LTBP1: variants seen among roughly 807,000 people sequenced by gnomAD.
The protein encoded by LTBP1 is latent-transforming growth factor beta-binding protein 1.
Under a neutral mutation model 207.6 loss-of-function variants are expected in LTBP1, and 129 were observed. That is an observed-to-expected ratio of 0.62 (90% CI 0.54 to 0.72). The LOEUF is 0.72. Among genes scored for constraint, LTBP1 ranks in the 30% least tolerant of loss-of-function variants. The pLI is 0.00. For missense variants in LTBP1, 2,281 were observed against 2,217.2 expected, an observed-to-expected ratio of 1.03 and a Z score of -0.58; for synonymous variants, 963 against 833.7, an observed-to-expected ratio of 1.16 and a Z score of -2.67.
chr2:33,272,088 A>G (rs1446618848), intron 15 of LTBP1, among the ~76,000 whole-genome samples: 1 of 152,234 alleles, frequency 6.6e-6, no homozygotes, highest in African/African-American at 2.4e-5. Flanking sequence ...TGAAGTTCAT[A>G]TGCTTCCTTT....
chr2:33,049,998 C>T lies in LTBP1; in HGVS notation c.863+28792C>T, dbSNP rs186908888. Among the ~76,000 whole-genome samples the T allele has an allele frequency of 3.9e-5, 6 of 152,064 alleles. No homozygotes were observed. In the South Asian group the frequency reaches 6.2e-4, roughly 16 times the overall value. ...CTGGAACTATAGGTGTGGGCCACTGCGCCCAGCCAATTTTTACAAATTTTG... is the reference window on the plus strand; with the variant it reads ...CTGGAACTATAGGTGTGGGCCACTGTGCCCAGCCAATTTTTACAAATTTTG... On this transcript the variant is annotated intron_variant, in intron 3 of 33. Coordinates refer to ENST00000404816, the MANE Select transcript of LTBP1 (RefSeq NM_206943.4).
chr2:33,184,507 G>C (rs1216216314), intron 5 of LTBP1, among the ~76,000 whole-genome samples: 1 of 152,100 alleles, frequency 6.6e-6, no homozygotes, highest in African/African-American at 2.4e-5. Flanking sequence ...ATCTTGACCA[G>C]TTTCAAAAAC....
At chr2:33,214,215 A>G (rs996595395) in intron 7 of LTBP1, among the ~76,000 whole-genome samples, 1 of 152,198 alleles carries the variant, frequency 6.6e-6, no homozygotes, top group Non-Finnish European at 1.5e-5. Flanking sequence ...CCAGGTTGCA[A>G]CGGTGGGGAC....
At chr2:33,091,209 T>A (rs987445928) in intron 3 of LTBP1, among the ~76,000 whole-genome samples, 2 of 152,158 alleles carry the variant, frequency 1.3e-5, no homozygotes, top group Non-Finnish European at 2.9e-5. Flanking sequence ...CTCTCATTGG[T>A]GGTCGTGGGG....
chr2:33,144,030 GGAA>G (rs1303974286), intron 5 of LTBP1, among the ~76,000 whole-genome samples: 8 of 151,932 alleles, frequency 5.3e-5, no homozygotes, highest in Admixed American at 3.3e-4. Flanking sequence ...TGGATTGACT[GGAA>G]GACCTTTGTC....
chr2:33,088,225 G>C (rs389139), intron 3 of LTBP1, among the ~76,000 whole-genome samples: 1 of 152,304 alleles, frequency 6.6e-6, no homozygotes, highest in South Asian at 2.1e-4. Flanking sequence ...AGGCCAAGGC[G>C]GGTGGATCAC....
chr2:33,198,872 G>A (rs1374104450), intron 7 of LTBP1, among the ~76,000 whole-genome samples: 3 of 152,056 alleles, frequency 2.0e-5, no homozygotes, highest in Non-Finnish European at 4.4e-5. Flanking sequence ...TTAATTTTTT[G>A]AAGGGTTTTT....
intron 4 of LTBP1, among the ~76,000 whole-genome samples, chr2:33,127,723 G>A (rs768104964): frequency 3.3e-5 from 5 of 152,220 alleles, no homozygotes; most frequent in African/African-American, 7.2e-5. Context: ...AGAGTCAAGA[G>A]ACAATGGAGG....
At position 33,040,326 on chromosome 2, in the gene LTBP1, A is replaced by G. The variant is rs147063281; in HGVS notation, c.863+19120A>G. Among the ~76,000 whole-genome samples the G allele has an allele frequency of 6.4e-3, 979 of 152,340 alleles. 10 individuals are homozygous for G. The highest frequency in any genetic ancestry group is 0.021 in the African/African-American group (868 of 41,580). Reference sequence around the variant, plus strand: ...CTGAGAGCGCTGTCTGCCAACACACATGACGATTAGCAGACCCTTCCTGGT... The same window carrying G: ...CTGAGAGCGCTGTCTGCCAACACACGTGACGATTAGCAGACCCTTCCTGGT... On this transcript the variant is annotated intron_variant, in intron 3 of 33. Coordinates refer to ENST00000404816, the MANE Select transcript of LTBP1 (RefSeq NM_206943.4).
intron 2 of LTBP1, among the ~76,000 whole-genome samples, chr2:33,015,355 A>G (rs915005767): frequency 5.3e-5 from 8 of 152,078 alleles, no homozygotes; most frequent in African/African-American, 1.7e-4. Context: ...GTTACCATGT[A>G]ATGAATTAAG....
At chr2:33,026,907 C>T (rs2075441707) in intron 3 of LTBP1, among the ~76,000 whole-genome samples, 1 of 152,228 alleles carries the variant, frequency 6.6e-6, no homozygotes, top group South Asian at 2.1e-4. Flanking sequence ...ATTTCCAGCA[C>T]CACAAAGCCC....
intron 7 of LTBP1, among the ~76,000 whole-genome samples, chr2:33,205,868 C>T (rs1031770987): frequency 3.3e-5 from 5 of 152,122 alleles, no homozygotes; most frequent in Non-Finnish European, 4.4e-5. Context: ...TGTTGCTTTC[C>T]CCACACACTT....
At chr2:33,369,433 C>T (rs552110994) in intron 31 of LTBP1, among the ~76,000 whole-genome samples, 11 of 152,268 alleles carry the variant, frequency 7.2e-5, no homozygotes, top group South Asian at 2.1e-4. Flanking sequence ...GGCTGGTTGG[C>T]GAGAACAACT....
chr2:33,259,823 A>G (rs562741481), intron 13 of LTBP1, among the ~76,000 whole-genome samples: 2 of 152,314 alleles, frequency 1.3e-5, no homozygotes, highest in Non-Finnish European at 1.5e-5. Context: ...ACAATAGAGA[A>G]CAAATAGGAC....
intron 2 of LTBP1, among the ~76,000 whole-genome samples, chr2:32,991,765 G>A (rs1372982611): frequency 1.3e-5 from 2 of 152,200 alleles, no homozygotes; most frequent in Non-Finnish European, 2.9e-5. Context: ...CAGCCCTGTT[G>A]CAACCCAGGA....
chr2:33,347,117 C>CAAAAAAAA lies in LTBP1; in HGVS notation c.3857-233_3857-226dup, dbSNP rs775058448. On this transcript the variant is annotated intron_variant, in intron 25 of 33. Coordinates refer to ENST00000404816, the MANE Select transcript of LTBP1 (RefSeq NM_206943.4). ...TGGGCGACAGAGCGAGACTCCGTCT[C>CAAAAAAAA]AAAAAAAAAAAAAAAAAAAAAAAAC... is the stretch of plus-strand genomic sequence containing the variant. Among the ~76,000 whole-genome samples, 3 of 51,992 alleles carry CAAAAAAAA rather than the reference C, an allele frequency of 5.8e-5. 1 individual carries two copies. Among genetic ancestry groups the CAAAAAAAA allele is most frequent in the African/African-American group, 2.2e-4 (3 of 13,886 alleles). 34.1% of individuals were successfully genotyped at this position (51,992 alleles called of 152,430 possible). A position where few individuals can be genotyped will look rare whatever the true frequency, so the allele number is the denominator to read the frequency against.
rs182994813 is a variant in LTBP1, at chr2:33,183,569, G to T, written c.1202-3287G>T. Among the ~76,000 whole-genome samples the T allele has an allele frequency of 3.5e-4, 54 of 152,258 alleles. No homozygotes were observed. In the East Asian group the frequency reaches 0.01, roughly 28 times the overall value. ...GTGAAGTCTGAACCACGTTGTCGGG[G>T]GACTGGTATTATTTAACAAAACTAC... On this transcript the variant is annotated intron_variant, in intron 5 of 33. Transcript: ENST00000404816.
chr2:33,106,992 G>A (rs1376011551), intron 3 of LTBP1, among the ~76,000 whole-genome samples: 1 of 152,150 alleles, frequency 6.6e-6, no homozygotes, highest in Non-Finnish European at 1.5e-5. Flanking sequence ...GAACCTTTGT[G>A]TGGTCCCCTG....
intron 9 of LTBP1, among the ~76,000 whole-genome samples, chr2:33,226,756 T>C (rs753960254): frequency 1.4e-4 from 22 of 152,184 alleles, no homozygotes; most frequent in Admixed American, 4.6e-4. Context: ...GTCTTTATGC[T>C]AATGAGCAGT....
Sources: gnomAD v4.1 joint callset for allele counts (sites outside exome capture counted in the v4.1 genomes callset) on GRCh38, gnomAD v4.1.1 for gene constraint, MANE v1.5 for transcripts, NCBI Gene and HGNC (gene_info 2026-07-23, HGNC 2026-07-21) for gene names.